The following RBFOX3 variants were observed in gnomAD, a reference collection of about 807,000 sequenced individuals.
RBFOX3 encodes the protein RNA binding protein fox-1 homolog 3.
RBFOX3 carries 17 observed loss-of-function variants against 48.7 expected under a neutral mutation model. That is an observed-to-expected ratio of 0.35 (90% confidence interval 0.24 to 0.52). The LOEUF is 0.52. RBFOX3 is among the 20% of genes least tolerant of loss of function. RBFOX3 has a pLI of 0.94. For synonymous variants in RBFOX3, 212 were observed against 209.5 expected, an observed-to-expected ratio of 1.01 and a Z score of -0.10; for missense variants, 382 against 497.5, an observed-to-expected ratio of 0.77 and a Z score of 2.21.
intron 2 of RBFOX3, among the ~76,000 whole-genome samples, chr17:79,338,909 G>T (rs908690030): frequency 6.6e-6 from 1 of 152,132 alleles, no homozygotes; most frequent in Admixed American, 6.5e-5. Context: ...GTTTGGCTGT[G>T]TGATCAGAAC....
chr17:79,475,719 G>A (rs1305638311), intron 2 of RBFOX3, among the ~76,000 whole-genome samples: 6 of 152,172 alleles, frequency 3.9e-5, no homozygotes, highest in Non-Finnish European at 7.3e-5. Flanking sequence ...AAGGTCGTGC[G>A]CGACAGGATA....
rs988121098 is a variant in RBFOX3 at position 79,557,513 on chromosome 17, G to A, written c.-320+53313C>T. On this transcript the variant is annotated intron_variant, in intron 1 of 14. Transcript: ENST00000693108. ...TTCCAAAGAGACCACGTCTGGGGCC[G>A]TGGGAGCCCGGCGGTGGTGGGGGGA... is the stretch of plus-strand genomic sequence containing the variant. 4.8e-3 allele frequency among the ~76,000 whole-genome samples: 731 copies of A among 152,318 alleles called. 4 individuals carry two copies. The highest frequency in any genetic ancestry group is 0.017 in the African/African-American group (692 of 41,570).
intron 3 of RBFOX3, among the ~76,000 whole-genome samples, chr17:79,247,310 A>ATT (rs57539628): frequency 0.015 from 1,776 of 116,532 alleles, 62 homozygotes; most frequent in African/African-American, 0.033. Context: ...ACATAATCGT[A>ATT]TTTTTTTTTT....
intron 4 of RBFOX3, among the ~76,000 whole-genome samples, chr17:79,144,806 C>T (rs1160444880): frequency 2.6e-5 from 4 of 152,220 alleles, no homozygotes; most frequent in Non-Finnish European, 5.9e-5. Context: ...AAAGACCAGC[C>T]TGAAGTGTAG....
rs1235715440 is a variant in RBFOX3 at position 79,363,820 on chromosome 17, A to G, written c.-174-55996T>C. ...GTCAATCAGCTCGCACCCCTGCCCCACTCAGAACTCTCTGGGGCTGTCCAC... is the reference window on the plus strand; with the variant it reads ...GTCAATCAGCTCGCACCCCTGCCCCGCTCAGAACTCTCTGGGGCTGTCCAC... On this transcript the variant is annotated intron_variant, in intron 2 of 14. Transcript: ENST00000693108. The surrounding 1 kb of genome is among the most constrained non-coding windows in gnomAD (Gnocchi z 4.7). 6.6e-6 allele frequency among the ~76,000 whole-genome samples: 1 copy of G among 151,828 alleles called. No individual in the cohort carries two copies. The highest frequency in any genetic ancestry group is 1.5e-5 in the Non-Finnish European group (1 of 67,946).
intron 1 of RBFOX3, among the ~76,000 whole-genome samples, chr17:79,523,649 A>T (rs2086417187): frequency 6.6e-6 from 1 of 152,156 alleles, no homozygotes; most frequent in East Asian, 1.9e-4. Flanking sequence ...AGCCTGGTGG[A>T]GCTTCAGGTG....
At chr17:79,649,356 C>T in the RBFOX3 span, among the ~76,000 whole-genome samples, 1 of 152,210 alleles carries the variant, frequency 6.6e-6, no homozygotes, top group African/African-American at 2.4e-5. Flanking sequence ...CTGGTTTATC[C>T]TGACTCACCC....
chr17:79,540,595 A>AGGGCCC (rs1286289760), intron 1 of RBFOX3, among the ~76,000 whole-genome samples: 1 of 152,164 alleles, frequency 6.6e-6, no homozygotes, highest in Non-Finnish European at 1.5e-5. Flanking sequence ...TCCACACAGA[A>AGGGCCC]GGGCCCGGGC....
At chr17:79,569,312 A>T (rs2092581937) in intron 1 of RBFOX3, among the ~76,000 whole-genome samples, 1 of 152,062 alleles carries the variant, frequency 6.6e-6, no homozygotes, top group Non-Finnish European at 1.5e-5. Flanking sequence ...CAGTTATTTC[A>T]TCTAAGTGGA....
At chr17:79,246,428 G>A (rs114475546) in intron 3 of RBFOX3, among the ~76,000 whole-genome samples, 1 of 152,214 alleles carries the variant, frequency 6.6e-6, no homozygotes, top group Non-Finnish European at 1.5e-5. Flanking sequence ...ACGCTGAGTG[G>A]GCTGTTCTTC....
intron 2 of RBFOX3, among the ~76,000 whole-genome samples, chr17:79,379,308 TG>T (rs1169651096): frequency 6.6e-6 from 1 of 152,122 alleles, no homozygotes; most frequent in Non-Finnish European, 1.5e-5. Flanking sequence ...TTGCCTGCCC[TG>T]GGGACTCAGG....
intron 4 of RBFOX3, among the ~76,000 whole-genome samples, chr17:79,215,288 C>T (rs770478903): frequency 9.2e-5 from 14 of 152,208 alleles, no homozygotes; most frequent in Admixed American, 6.5e-5. Context: ...GCAGGGAGGT[C>T]CTCCGCTCTG....
At chr17:79,156,522 C>T (rs888655920) in intron 4 of RBFOX3, among the ~76,000 whole-genome samples, 3 of 152,190 alleles carry the variant, frequency 2.0e-5, no homozygotes, top group African/African-American at 7.2e-5. Flanking sequence ...TCCACGTCTC[C>T]AGTTGGGCAG....
chr17:79,609,043 C>T (rs1039177104), intron 1 of RBFOX3, among the ~76,000 whole-genome samples: 95 of 152,218 alleles, frequency 6.2e-4, no homozygotes, highest in African/African-American at 2.1e-3. Flanking sequence ...AACTTTTCTC[C>T]CTCTCTCCCC....
At position 79,443,799 on chromosome 17, in the gene RBFOX3, C is replaced by T. The variant is rs1275087578; in HGVS notation, c.-175+38655G>A. 3.9e-5 allele frequency among the ~76,000 whole-genome samples: 6 copies of T among 152,300 alleles called. No individual in the cohort carries two copies. Among genetic ancestry groups the T allele is most frequent in the African/African-American group, 1.4e-4 (6 of 41,560 alleles). ...TCCCACTGCCTCCCTCGGCCCCCGACCCTTTATTTGCTGAGCCCCAGAGTG... is the reference window on the plus strand; with the variant it reads ...TCCCACTGCCTCCCTCGGCCCCCGATCCTTTATTTGCTGAGCCCCAGAGTG... On this transcript the variant is annotated intron_variant, in intron 2 of 14. Coordinates refer to ENST00000693108, the MANE Select transcript of RBFOX3 (RefSeq NM_001350451.2). The surrounding 1 kb of genome is among the most constrained non-coding windows in gnomAD (Gnocchi z 4.4).
rs968061507 is a variant in RBFOX3, at chr17:79,586,675, A to G, written c.-320+24151T>C. On this transcript the variant is annotated intron_variant, in intron 1 of 14. Transcript: ENST00000693108. ...ATCTTCCGTTTGATTTTCTCTTTTC[A>G]TATGTTTTCAATCAGAAATATCAGA... 3.3e-4 allele frequency among the ~76,000 whole-genome samples: 50 copies of G among 152,206 alleles called. No homozygotes were observed. The East Asian group carries it at 8.1e-3, about 25-fold the overall frequency.
chr17:79,642,645 A>G, the RBFOX3 span, among the ~76,000 whole-genome samples: 2 of 152,230 alleles, frequency 1.3e-5, no homozygotes, highest in African/African-American at 4.8e-5. Context: ...GTCTAGATAA[A>G]GTAAAAAGTA....
intron 1 of RBFOX3, among the ~76,000 whole-genome samples, chr17:79,527,447 C>A (rs2086952648): frequency 6.6e-6 from 1 of 152,194 alleles, no homozygotes; most frequent in Non-Finnish European, 1.5e-5. Context: ...CGCAGCTGTG[C>A]CTGGTACTTC....
intron 2 of RBFOX3, among the ~76,000 whole-genome samples, chr17:79,340,420 G>A (rs1007040802): frequency 4.6e-5 from 7 of 152,178 alleles, no homozygotes; most frequent in Non-Finnish European, 7.3e-5. Flanking sequence ...GCTTCTATTC[G>A]TTCTTCCCCA....
Sources: gnomAD v4.1 joint callset for allele counts (sites outside exome capture counted in the v4.1 genomes callset) on GRCh38, gnomAD v4.1.1 for gene constraint, Gnocchi (gnomAD v3.1) non-coding constraint, MANE v1.5 for transcripts, NCBI Gene and HGNC (gene_info 2026-07-23, HGNC 2026-07-21) for gene names.